Variants in DZANK1 observed in about 807,000 individuals in gnomAD.
DZANK1 encodes double zinc ribbon and ankyrin repeat-containing protein 1.
Under a neutral mutation model 94.5 loss-of-function variants are expected in DZANK1, and 91 were observed. The observed-to-expected ratio is 0.96, with a 90% CI of 0.81 to 1.15. The LOEUF (loss-of-function observed/expected upper bound fraction) is 1.15, where lower values mean the gene tolerates loss of function less well. Ranked by LOEUF, DZANK1 falls within the 50% of genes most tolerant of loss-of-function variation. The probability of loss-of-function intolerance (pLI) is 0.00; values close to 1 mark genes in which losing one functional copy is unlikely to be tolerated. For missense variants in DZANK1, 903 were observed against 916.4 expected (o/e 0.99, Z 0.19); for synonymous variants, 312 against 325.3 (o/e 0.96, Z 0.44).
At chr20:18,398,960 T>C (rs2056515973) in intron 13 of DZANK1, among the ~76,000 whole-genome samples, 1 of 152,012 alleles carries the variant, frequency 6.6e-6, no homozygotes, top group South Asian at 2.1e-4. Context: ...GGTGAAACCC[T>C]GCCTCTACTA....
At chr20:18,450,163 T>C (rs1030956422) in intron 6 of DZANK1, among the ~76,000 whole-genome samples, 3 of 152,170 alleles carry the variant, frequency 2.0e-5, no homozygotes, top group African/African-American at 7.2e-5. Context: ...ACTGTATCTC[T>C]AGGAAACTCA....
chr20:18,396,590 G>T (rs1167223682), intron 14 of DZANK1, 44 bp from the exon 15 acceptor site: 11 of 1,438,784 alleles, frequency 7.6e-6, no homozygotes, highest in Non-Finnish European at 1.1e-5. Context: ...GTGGGTGTGG[G>T]ACTCATTGCC....
chr20:18,464,214 C>G (rs1416335602), intron 2 of DZANK1, among the ~76,000 whole-genome samples: 1 of 152,064 alleles, frequency 6.6e-6, no homozygotes, highest in Non-Finnish European at 1.5e-5. Context: ...GCTGGGATTA[C>G]AGGCATTGGC....
At chr20:18,383,727 G>A (rs1340289615) in exon 21 of DZANK1, 1 of 152,312 alleles carries the variant, frequency 6.6e-6, no homozygotes, top group Non-Finnish European at 1.5e-5. Context: ...GCTGAGGAGA[G>A]AGGTGGTGGC....
chr20:18,448,993 T>C lies in DZANK1; in HGVS notation c.620A>G (p.Asp207Gly), dbSNP rs188685898. 2.2e-5 allele frequency: 35 copies of C among 1,613,502 alleles called. No homozygotes were observed. The Admixed American group carries it at 4.3e-4, about 20-fold the overall frequency. ...AGAATGTGATACTTACTTGAGAAAGTCTGTCTCCCTTTGAATTCTCATTAT... is the reference window on the plus strand; with the variant it reads ...AGAATGTGATACTTACTTGAGAAAGCCTGTCTCCCTTTGAATTCTCATTAT... The change falls in exon 7 of 21, where the codon GAC becomes GGC. Residue 207 changes from aspartate to glycine, a missense_variant. By Grantham distance (94) the Asp-to-Gly change is moderately conservative. Coordinates refer to ENST00000262547, the Ensembl canonical transcript of DZANK1.
At chr20:18,423,463 C>T (rs1455525198) in intron 10 of DZANK1, among the ~76,000 whole-genome samples, 1 of 152,162 alleles carries the variant, frequency 6.6e-6, no homozygotes, top group Non-Finnish European at 1.5e-5. Context: ...TATATAATAT[C>T]TGTGCAACAT....
chr20:18,448,832 A>C (rs2058982006), intron 7 of DZANK1, among the ~76,000 whole-genome samples, 152 bp downstream of exon 7: 1 of 147,548 alleles, frequency 6.8e-6, no homozygotes, highest in Non-Finnish European at 1.5e-5. Context: ...GCACCACCGC[A>C]CTCCAGCCAG....
chr20:18,388,046 C>T (rs926319457), intron 19 of DZANK1, among the ~76,000 whole-genome samples: 2 of 152,206 alleles, frequency 1.3e-5, no homozygotes, highest in African/African-American at 4.8e-5. Context: ...GATCCAGGCC[C>T]AAACTCTTGA....
intron 3 of DZANK1, among the ~76,000 whole-genome samples, chr20:18,459,175 T>C (rs2059390417): frequency 6.6e-6 from 1 of 152,254 alleles, no homozygotes; most frequent in Admixed American, 6.5e-5. Context: ...TAATTTTTAA[T>C]AATTGAGATG....
rs16979092 is a variant in DZANK1, at chr20:18,421,349, A to G, written c.954+5718T>C. The G allele has an allele frequency of 2.4e-3, 388 of 161,590 alleles. 7 individuals are homozygous for G. Among genetic ancestry groups the G allele is most frequent in the Admixed American group, 0.021 (330 of 15,776 alleles). 10.0% of individuals were successfully genotyped at this position (161,590 alleles called of 1,614,324 possible). On this transcript the variant is annotated intron_variant, in intron 10 of 20. Transcript: ENST00000262547. ...ACATATGTGACGCTTACAGATTTGGACTTTTGATGAATCCTTAAAACGGAG... is the reference window on the plus strand; with the variant it reads ...ACATATGTGACGCTTACAGATTTGGGCTTTTGATGAATCCTTAAAACGGAG...
At chr20:18,455,638 AT>A (rs1488500342) in intron 3 of DZANK1, among the ~76,000 whole-genome samples, 3 of 152,198 alleles carry the variant, frequency 2.0e-5, no homozygotes, top group African/African-American at 7.2e-5. Flanking sequence ...GAGCTCTTCC[AT>A]GTGGCTGCCA....
chr20:18,397,985 G>A (rs139241255), intron 14 of DZANK1, among the ~76,000 whole-genome samples: 5 of 152,142 alleles, frequency 3.3e-5, no homozygotes, highest in East Asian at 1.9e-4. Flanking sequence ...TCACAGACCC[G>A]CCCAGATTCA....
At chr20:18,426,904 A>T (rs1002571401) in intron 10 of DZANK1, among the ~76,000 whole-genome samples, 163 bp downstream of exon 10, 1 of 152,204 alleles carries the variant, frequency 6.6e-6, no homozygotes, top group South Asian at 2.1e-4. Context: ...ATTTGTATTG[A>T]TATAAAGTTC....
chr20:18,456,531 C>A (rs1481862409), intron 3 of DZANK1, among the ~76,000 whole-genome samples: 1 of 152,216 alleles, frequency 6.6e-6, no homozygotes, highest in Non-Finnish European at 1.5e-5. Context: ...ATATTTAGGA[C>A]ATTTCCATCA....
At chr20:18,466,763 C>T (rs905546230) in intron 1 of DZANK1, 1 of 152,318 alleles carries the variant, frequency 6.6e-6, no homozygotes, top group Admixed American at 6.5e-5. Context: ...CAACAGGATC[C>T]CCAGACCCCT....
exon 19 of DZANK1, chr20:18,389,792 G>C: frequency 6.2e-7 from 1 of 1,613,998 alleles, no homozygotes; most frequent in Non-Finnish European, 8.5e-7. Context: ...GTTATGACGG[G>C]TCGATTGTCT....
At chr20:18,413,975 A>G (rs1164179018) in intron 12 of DZANK1, among the ~76,000 whole-genome samples, 1 of 152,210 alleles carries the variant, frequency 6.6e-6, no homozygotes, top group Admixed American at 6.5e-5. Flanking sequence ...ACTTCTGAAA[A>G]TAACCTGGTG....
intron 3 of DZANK1, 84 bp downstream of exon 3, chr20:18,460,069 G>A: frequency 9.5e-7 from 1 of 1,055,594 alleles, no homozygotes; most frequent in Non-Finnish European, 1.3e-6. Flanking sequence ...ATGCAGCACT[G>A]ATTCTGATAG....
chr20:18,417,077 A>G (rs2057532085), intron 10 of DZANK1, among the ~76,000 whole-genome samples: 1 of 151,952 alleles, frequency 6.6e-6, no homozygotes, highest in Non-Finnish European at 1.5e-5. Flanking sequence ...TTACCCCATC[A>G]TATTAATGCT....
Sources: gnomAD v4.1 joint callset for allele counts (sites outside exome capture counted in the v4.1 genomes callset) on GRCh38, gnomAD v4.1.1 for gene constraint, MANE v1.5 for transcripts, NCBI Gene and HGNC (gene_info 2026-07-23, HGNC 2026-07-21) for gene names.